GOPC: variants seen among roughly 807,000 people sequenced by gnomAD.
GOPC encodes the protein Golgi-associated PDZ and coiled-coil motif-containing protein.
GOPC carries 32 observed loss-of-function variants against 51.2 expected under a neutral mutation model. The ratio of observed to expected loss-of-function variants is 0.63; its 90% CI spans 0.47 to 0.84. The LOEUF is 0.84. GOPC is among the 40% of genes least tolerant of loss of function. The pLI is 0.00. For synonymous variants in GOPC, 190 were observed against 205.1 expected (o/e 0.93, Z 0.63); for missense variants, 441 against 555.5 (o/e 0.79, Z 2.07).
chr6:117,595,279 C>T (rs189512691), intron 1 of GOPC, among the ~76,000 whole-genome samples: 119 of 152,284 alleles, frequency 7.8e-4, no homozygotes, highest in African/African-American at 2.8e-3. Context: ...AAGGTGGCTT[C>T]CAGAGATAAC....
In GOPC at chr6:117,563,684, C is replaced by T. The variant is rs143661667; in HGVS notation, c.1259-300G>A. Among the ~76,000 whole-genome samples, 981 of 151,114 alleles carry T rather than the reference C, an allele frequency of 6.5e-3. 14 individuals carry two copies. Among genetic ancestry groups the T allele is most frequent in the African/African-American group, 0.023 (931 of 41,112 alleles). ...TTGCAGTGAGCTGAGATCGTACCAC[C>T]GCACTCTAGCCTGGGTGACAGAGTG... is the stretch of plus-strand genomic sequence containing the variant. On this transcript the variant is annotated intron_variant, in intron 8 of 8. Transcript: ENST00000368498.
chr6:117,587,126 A>C (rs1780044326), intron 1 of GOPC, among the ~76,000 whole-genome samples: 1 of 152,214 alleles, frequency 6.6e-6, no homozygotes, highest in African/African-American at 2.4e-5. Context: ...TCAGCTCTTG[A>C]AGCAGTTATC....
At chr6:117,590,041 C>G (rs1780092008) in intron 1 of GOPC, among the ~76,000 whole-genome samples, 1 of 152,130 alleles carries the variant, frequency 6.6e-6, no homozygotes, top group Non-Finnish European at 1.5e-5. Flanking sequence ...AGCAATGGAG[C>G]AGGCACTGTA....
intron 8 of GOPC, among the ~76,000 whole-genome samples, chr6:117,565,087 ATTTC>A (rs1299328555): frequency 1.3e-5 from 2 of 152,192 alleles, no homozygotes; most frequent in East Asian, 1.9e-4. Context: ...AAAAAAATTC[ATTTC>A]TTTGTTAAAA....
chr6:117,560,830 T>G lies in GOPC; in HGVS notation c.*2424A>C. 1 of 214,366 alleles carries G rather than the reference T, an allele frequency of 4.7e-6. No homozygotes were observed. The highest frequency in any genetic ancestry group is 9.4e-6 in the Non-Finnish European group (1 of 106,140). 13.3% of individuals were successfully genotyped at this position (214,366 alleles called of 1,614,324 possible). A position where few individuals can be genotyped will look rare whatever the true frequency, so the allele number is the denominator to read the frequency against. On this transcript the variant is annotated 3_prime_UTR_variant, in exon 9 of 9. Transcript: ENST00000368498. ...TGTGTATACATGTGTGTATTTCTCCTTCTGTCCCCTTCTCGATGAAATGGC... is the reference window on the plus strand; with the variant it reads ...TGTGTATACATGTGTGTATTTCTCCGTCTGTCCCCTTCTCGATGAAATGGC...
intron 1 of GOPC, among the ~76,000 whole-genome samples, chr6:117,584,169 A>G (rs1241496503): frequency 4.6e-5 from 7 of 152,200 alleles, no homozygotes; most frequent in Non-Finnish European, 1.0e-4. Context: ...CTCATTCCAC[A>G]ATAATCATCA....
rs1360313774 is a variant in GOPC, at chr6:117,561,832, C to A, written c.*1422G>T. On this transcript the variant is annotated 3_prime_UTR_variant, in exon 9 of 9. Transcript: ENST00000368498. ...GTTAAAACATTAAATTTATAAATAG[C>A]AAAACCACAAAATAAAGTATATACA... The A allele has an allele frequency of 4.8e-6, 1 of 206,504 alleles. No homozygotes were observed. Among genetic ancestry groups the A allele is most frequent in the Non-Finnish European group, 9.9e-6 (1 of 100,902 alleles). 12.8% of individuals were successfully genotyped at this position (206,504 alleles called of 1,614,324 possible). A position where few individuals can be genotyped will look rare whatever the true frequency, so the allele number is the denominator to read the frequency against.
At chr6:117,597,999 T>C (rs1780225611) in intron 1 of GOPC, among the ~76,000 whole-genome samples, 1 of 151,666 alleles carries the variant, frequency 6.6e-6, no homozygotes, top group African/African-American at 2.4e-5. Flanking sequence ...TTGGAGGACA[T>C]TAAGTAAAAA....
chr6:117,583,709 T>C (rs1779992529), intron 1 of GOPC, among the ~76,000 whole-genome samples: 1 of 152,210 alleles, frequency 6.6e-6, no homozygotes, highest in East Asian at 1.9e-4. Context: ...ATGATTACTG[T>C]GACATTATAT....
rs1194906903 is a variant in GOPC, at chr6:117,586,471, G to T, written c.286-7407C>A. On this transcript the variant is annotated intron_variant, in intron 1 of 8. Coordinates refer to ENST00000368498, the MANE Select transcript of GOPC (RefSeq NM_020399.4). Reference sequence around the variant, plus strand: ...AACTTTTAAAAGAATGCATCACAGAGATTCTTTTTTTTTTTTTTTTTTTTT... The same window carrying T: ...AACTTTTAAAAGAATGCATCACAGATATTCTTTTTTTTTTTTTTTTTTTTT... 3.0e-5 allele frequency among the ~76,000 whole-genome samples: 4 copies of T among 131,856 alleles called. No individual in the cohort carries two copies. In the East Asian group the frequency reaches 6.8e-4, roughly 22 times the overall value. 86.5% of individuals were successfully genotyped at this position (131,856 alleles called of 152,430 possible). A position where few individuals can be genotyped will look rare whatever the true frequency, so the allele number is the denominator to read the frequency against.
intron 1 of GOPC, among the ~76,000 whole-genome samples, chr6:117,594,614 T>C (rs1258023313): frequency 6.6e-6 from 1 of 152,184 alleles, no homozygotes; most frequent in African/African-American, 2.4e-5. Context: ...TGGATCAATA[T>C]TAAACTTAAG....
At position 117,566,863 on chromosome 6, in the gene GOPC, C is replaced by A; in HGVS notation, c.1249G>T (p.Val417Leu). Residue 417 changes from valine (V) to leucine (L), a missense_variant, in exon 8 of 9, where the codon GTA becomes TTA. This residue lies in a region of GOPC where 71 missense variants were observed against 68.8 expected (regional missense o/e 1.03). Coordinates refer to ENST00000368498, the MANE Select transcript of GOPC (RefSeq NM_020399.4). ...TTAGAGTGATTTTTACCTTGTAATACTTTGATTTCCCCACTTGTGTCTTTG... is the reference window on the plus strand; with the variant it reads ...TTAGAGTGATTTTTACCTTGTAATAATTTGATTTCCCCACTTGTGTCTTTG... ...SCKDTSGEIK[V>L]LQGFNKKAVT... 6.4e-7 allele frequency: 1 copy of A among 1,566,206 alleles called. No individual in the cohort carries two copies. The highest frequency in any genetic ancestry group is 8.6e-7 in the Non-Finnish European group (1 of 1,160,550).
At chr6:117,572,417 T>C (rs556820417) in intron 5 of GOPC, among the ~76,000 whole-genome samples, 1 of 152,250 alleles carries the variant, frequency 6.6e-6, no homozygotes, top group Non-Finnish European at 1.5e-5. Context: ...CTAATATATC[T>C]CCTTGACTCC....
At chr6:117,569,513 G>GA in intron 7 of GOPC, 59 bp downstream of exon 7, 4 of 1,588,304 alleles carry the variant, frequency 2.5e-6, no homozygotes, top group Non-Finnish European at 1.7e-6. Context: ...AGTATACAGT[G>GA]TTCAATAGAT....
intron 1 of GOPC, among the ~76,000 whole-genome samples, chr6:117,585,689 C>T (rs1324998561): frequency 6.6e-6 from 1 of 152,048 alleles, no homozygotes; most frequent in African/African-American, 2.4e-5. Flanking sequence ...CAGCATATTC[C>T]CCAAATATCA....
At position 117,602,085 on chromosome 6, in the gene GOPC, C is replaced by G. The variant is rs762908946; in HGVS notation, c.204G>C (p.Gln68His). The part of the protein sequence containing the change: ...DQADITYEGR[Q>H]KMTSLSSCFA... ...AGCAGGAGCTCAGGCTGGTCATCTT[C>G]TGTCGCCCCTCATAAGTGATGTCCG... is the stretch of plus-strand genomic sequence containing the variant. The change falls in exon 1 of 9, where the codon CAG (glutamine) becomes CAC (histidine). Residue 68 changes from glutamine (Q) to histidine (H), a missense_variant. Gln to His is a conservative substitution (Grantham distance 24). This residue lies in a region of GOPC where 204 missense variants were observed against 219.8 expected (regional missense o/e 0.93). Coordinates refer to ENST00000368498, the MANE Select transcript of GOPC (RefSeq NM_020399.4). 6.2e-7 allele frequency: 1 copy of G among 1,614,222 alleles called. No individual in the cohort carries two copies. Among genetic ancestry groups the G allele is most frequent in the Non-Finnish European group, 8.5e-7 (1 of 1,180,042 alleles).
At chr6:117,587,061 T>C (rs1398414141) in intron 1 of GOPC, among the ~76,000 whole-genome samples, 3 of 152,190 alleles carry the variant, frequency 2.0e-5, no homozygotes, top group East Asian at 1.9e-4. Flanking sequence ...AAAGGTCAAA[T>C]TGAAAATCTC....
chr6:117,600,527 G>A (rs1232631323), intron 1 of GOPC, among the ~76,000 whole-genome samples: 2 of 152,190 alleles, frequency 1.3e-5, no homozygotes, highest in African/African-American at 2.4e-5. Context: ...CTAATGGCCA[G>A]GCACAGTAGC....
rs1255848371 is a variant in GOPC at position 117,566,959 on chromosome 6, C to T, written c.1153G>A (p.Asp385Asn). ...AAACGGTAACGATGTCCACTCTCAT[C>T]TTCATACTCTACGTTTTCATCATCA... ...DSDDENVEYE[D>N]ESGHRYRLYL... Residue 385 changes from aspartate to asparagine, a missense_variant, in exon 8 of 9, where the codon GAT (aspartate) becomes AAT (asparagine). Around this residue, in one of 3 missense-constraint regions of GOPC, gnomAD observed 166 missense variants for 267.0 expected, o/e 0.62. Transcript: ENST00000368498. 6.2e-7 allele frequency: 1 copy of T among 1,611,034 alleles called. No homozygotes were observed. The highest frequency in any genetic ancestry group is 1.7e-5 in the Admixed American group (1 of 59,342).
Sources: allele counts gnomAD v4.1 joint callset (sites outside exome capture counted in the v4.1 genomes callset), GRCh38; gene constraint gnomAD v4.1.1; regional missense constraint gnomAD v4.1.1; transcripts MANE v1.5; gene names NCBI Gene and HGNC (gene_info 2026-07-23, HGNC 2026-07-21).